The following NMRAL1 variants were observed in gnomAD, a reference collection of about 807,000 sequenced individuals.
The protein encoded by NMRAL1 is NmrA like redox sensor 1, also known as nmrA-like family domain-containing protein 1.
Under a neutral mutation model 27.5 loss-of-function variants are expected in NMRAL1, and 32 were observed. The observed-to-expected ratio is 1.16, with a 90% confidence interval of 0.88 to 1.56. The LOEUF (loss-of-function observed/expected upper bound fraction) is 1.56, where lower values mean the gene tolerates loss of function less well. NMRAL1 is among the 40% of genes most tolerant of loss of function. The probability of loss-of-function intolerance (pLI) is 0.00; values close to 1 mark genes in which losing one functional copy is unlikely to be tolerated. For missense variants in NMRAL1, 420 were observed against 392.0 expected, an observed-to-expected ratio of 1.07 and a Z score of -0.60; for synonymous variants, 166 against 166.8, an observed-to-expected ratio of 1.00 and a Z score of 0.04.
upstream of NMRAL1, chr16:4,474,890 G>A (rs1351389689): frequency 6.6e-6 from 1 of 152,212 alleles, no homozygotes; most frequent in Non-Finnish European, 1.5e-5. Context: ...ATGTCCATGA[G>A]TCTTATCCCT....
chr16:4,463,225 A>G (rs2057176515), intron 5 of NMRAL1, among the ~76,000 whole-genome samples: 1 of 152,202 alleles, frequency 6.6e-6, no homozygotes, highest in African/African-American at 2.4e-5. Context: ...CAGGTACCCA[A>G]GAGTCTGTCC....
rs564074314 is a variant in NMRAL1 at position 4,464,753 on chromosome 16, T to C, written c.530-903A>G. 6.8e-4 allele frequency among the ~76,000 whole-genome samples: 103 copies of C among 151,568 alleles called. 1 individual carries two copies. The highest frequency in any genetic ancestry group is 5.2e-3 in the Admixed American group (79 of 15,174). Reference sequence around the variant, plus strand: ...CCTCAGCCTCCCGAGTAGCTGGGACTACAGGCGCCTGCCGCCACACCCGGC... The same window carrying C: ...CCTCAGCCTCCCGAGTAGCTGGGACCACAGGCGCCTGCCGCCACACCCGGC... On this transcript the variant is annotated intron_variant, in intron 4 of 5. Coordinates refer to ENST00000283429, the MANE Select transcript of NMRAL1 (RefSeq NM_020677.6).
chr16:4,461,730 C>T lies in NMRAL1; in HGVS notation c.*50G>A. The stretch of plus-strand genomic sequence containing the variant: ...TGGCTTTATTCAGATGTTGGTGCCT[C>T]TGCCCCTCTGGTGCCCCCGATCCCC... On this transcript the variant is annotated 3_prime_UTR_variant, in exon 6 of 6. Coordinates refer to ENST00000283429, the MANE Select transcript of NMRAL1 (RefSeq NM_020677.6). 2 of 1,519,020 alleles carry T rather than the reference C, an allele frequency of 1.3e-6. No homozygotes were observed. The highest frequency in any genetic ancestry group is 1.8e-6 in the Non-Finnish European group (2 of 1,122,224). 94.1% of individuals were successfully genotyped at this position (1,519,020 alleles called of 1,614,324 possible).
At chr16:4,470,649 T>C (rs1271766892) in intron 2 of NMRAL1, among the ~76,000 whole-genome samples, 1 of 150,440 alleles carries the variant, frequency 6.6e-6, no homozygotes, top group Non-Finnish European at 1.5e-5. Context: ...CCGTCTCTAC[T>C]AAAAATAAAA....
chr16:4,475,467 C>G (rs2057794279), upstream of NMRAL1, among the ~76,000 whole-genome samples: 1 of 151,538 alleles, frequency 6.6e-6, no homozygotes, highest in South Asian at 2.1e-4. Flanking sequence ...GCCACCATGC[C>G]CGGCTAAAAT....
In NMRAL1 at chr16:4,462,746, G is replaced by A. The variant is rs187411396; in HGVS notation, c.721-787C>T. Among the ~76,000 whole-genome samples, 13 of 152,008 alleles carry A rather than the reference G, an allele frequency of 8.6e-5. No homozygotes were observed. The East Asian group carries it at 1.4e-3, about 16-fold the overall frequency. ...TCACCGTGTTAGTCAGGATGGTCTCGATTTCCTGACCTTGTAATTGCCCGC... is the reference window on the plus strand; with the variant it reads ...TCACCGTGTTAGTCAGGATGGTCTCAATTTCCTGACCTTGTAATTGCCCGC... On this transcript the variant is annotated intron_variant, in intron 5 of 5. Coordinates refer to ENST00000283429, the MANE Select transcript of NMRAL1 (RefSeq NM_020677.6).
intron 2 of NMRAL1, 51 bp downstream of exon 2, chr16:4,474,034 CGGTCTTCA>C: frequency 7.3e-7 from 1 of 1,376,048 alleles, no homozygotes; most frequent in South Asian, 1.2e-5. Flanking sequence ...CCAGGACGGG[CGGTCTTCA>C]GGGCTAGGCG....
At chr16:4,463,935 G>C in intron 4 of NMRAL1, 85 bp from the exon 5 acceptor site, 2 of 1,146,640 alleles carry the variant, frequency 1.7e-6, no homozygotes, top group Non-Finnish European at 2.5e-6. Context: ...GTCCAAGCTG[G>C]TTCTTCCCAG....
At position 4,461,935 on chromosome 16, in the gene NMRAL1, G is replaced by T. The variant is rs778113907; in HGVS notation, c.745C>A (p.Leu249Ile). Residue 249 changes from leucine (L) to isoleucine (I), a missense_variant, in exon 6 of 6, where the codon CTT becomes ATT. Physicochemically the swap from Leu to Ile is conservative, Grantham distance 5. Coordinates refer to ENST00000283429, the MANE Select transcript of NMRAL1 (RefSeq NM_020677.6). ...AKMTPEDYEK[L>I]GFPGARDLAN... Reference sequence around the variant, plus strand: ...AGGTCCCGGGCACCGGGAAAGCCAAGCTTTTCGTAGTCCTCAGGAGTCATC... The same window carrying T: ...AGGTCCCGGGCACCGGGAAAGCCAATCTTTTCGTAGTCCTCAGGAGTCATC... 6.2e-7 allele frequency: 1 copy of T among 1,613,812 alleles called. No individual in the cohort carries two copies. The highest frequency in any genetic ancestry group is 1.1e-5 in the South Asian group (1 of 91,070).
chr16:4,474,517 C>G, intron 1 of NMRAL1, 37 bp downstream of exon 1: 1 of 186,656 alleles, frequency 5.4e-6, no homozygotes, highest in Non-Finnish European at 1.1e-5. Context: ...GAGCTGCGCG[C>G]TAGGCGCCAA....
intron 3 of NMRAL1, 168 bp from the exon 4 acceptor site, chr16:4,466,570 A>G (rs1425687607): frequency 1.6e-6 from 1 of 642,348 alleles, no homozygotes; most frequent in African/African-American, 1.8e-5. Flanking sequence ...CACACATGAC[A>G]CCACGCCCGT....
chr16:4,469,304 C>A lies in NMRAL1; in HGVS notation c.202G>T (p.Ala68Ser). The change falls in exon 3 of 6, where the codon GCC (alanine) becomes TCC (serine). Residue 68 changes from alanine to serine, a missense_variant. By Grantham distance (99) the Ala-to-Ser change is moderately conservative. Transcript: ENST00000283429. Reference protein sequence around the residue: ...DQDDQVIMELALNGAYATFIV... With the variant: ...DQDDQVIMELSLNGAYATFIV... ...AAGGTGGCGTAAGCCCCATTCAGGG[C>A]CAGCTCCATGATGACCTGGTCATCT... The A allele has an allele frequency of 3.7e-6, 6 of 1,614,144 alleles. No individual in the cohort carries two copies. The highest frequency in any genetic ancestry group is 1.1e-5 in the South Asian group (1 of 91,086).
chr16:4,472,958 C>G (rs1037283602), intron 2 of NMRAL1, among the ~76,000 whole-genome samples: 2 of 147,736 alleles, frequency 1.4e-5, no homozygotes, highest in Admixed American at 1.4e-4. Context: ...TAACTGTTCA[C>G]GGGTTCATGG....
chr16:4,461,702 C>T lies in NMRAL1; in HGVS notation c.*78G>A. On this transcript the variant is annotated 3_prime_UTR_variant, in exon 6 of 6. Transcript: ENST00000283429. ...TTCTCCTGGAAGCCATCTGGGAGAA[C>T]AATGGCTTTATTCAGATGTTGGTGC... The T allele has an allele frequency of 2.2e-6, 3 of 1,355,122 alleles. No individual in the cohort carries two copies. Among genetic ancestry groups the T allele is most frequent in the South Asian group, 2.8e-5 (2 of 71,726 alleles). 83.9% of individuals were successfully genotyped at this position (1,355,122 alleles called of 1,614,324 possible). A position where few individuals can be genotyped will look rare whatever the true frequency, so the allele number is the denominator to read the frequency against.
chr16:4,461,796 T>G lies in NMRAL1; in HGVS notation c.884A>C (p.Asp295Ala). ...LDQWLEQHKG[D>A]FNLL ...GCGGGCAGGTCACAGCAGGTTGAAGTCCCCTTTGTGCTGTTCCAGCCACTG... is the reference window on the plus strand; with the variant it reads ...GCGGGCAGGTCACAGCAGGTTGAAGGCCCCTTTGTGCTGTTCCAGCCACTG... Residue 295 changes from aspartate to alanine, a missense_variant, in exon 6 of 6, where the codon GAC becomes GCC. Asp to Ala is a moderately radical substitution (Grantham distance 126). Coordinates refer to ENST00000283429, the MANE Select transcript of NMRAL1 (RefSeq NM_020677.6). 6.2e-7 allele frequency: 1 copy of G among 1,612,142 alleles called. No individual in the cohort carries two copies. The highest frequency in any genetic ancestry group is 8.5e-7 in the Non-Finnish European group (1 of 1,179,226).
intron 4 of NMRAL1, 113 bp downstream of exon 4, chr16:4,466,040 G>T: frequency 1.5e-6 from 2 of 1,328,664 alleles, no homozygotes; most frequent in Non-Finnish European, 2.1e-6. Context: ...GGCCTAACGT[G>T]AGGGAGCCAC....
At chr16:4,472,957 A>T (rs2057637891) in intron 2 of NMRAL1, among the ~76,000 whole-genome samples, 1 of 150,040 alleles carries the variant, frequency 6.7e-6, no homozygotes, top group Non-Finnish European at 1.5e-5. Flanking sequence ...GTAACTGTTC[A>T]CGGGTTCATG....
intron 2 of NMRAL1, chr16:4,469,672 C>G: frequency 2.8e-6 from 3 of 1,084,538 alleles, no homozygotes; most frequent in Non-Finnish European, 3.8e-6. Context: ...TGCAGTGGCA[C>G]GATCTTGGCT....
intron 5 of NMRAL1, chr16:4,463,431 T>C (rs968161352): frequency 2.0e-5 from 11 of 542,522 alleles, no homozygotes; most frequent in Admixed American, 7.9e-5. Flanking sequence ...TTGGCTCCTA[T>C]GGCCCTCTCC....
Sources: allele counts gnomAD v4.1 joint callset (sites outside exome capture counted in the v4.1 genomes callset), GRCh38; gene constraint gnomAD v4.1.1; transcripts MANE v1.5; gene names NCBI Gene and HGNC (gene_info 2026-07-23, HGNC 2026-07-21).